The following GSTM3 variants were observed in gnomAD, a reference collection of about 807,000 sequenced individuals.
GSTM3 encodes glutathione S-transferase mu 3.
Under a neutral mutation model 36.1 loss-of-function variants are expected in GSTM3, and 34 were observed. That is an observed-to-expected ratio of 0.94 (90% CI 0.72 to 1.25). The LOEUF (loss-of-function observed/expected upper bound fraction) is 1.25, where lower values mean the gene tolerates loss of function less well. Ranked by LOEUF, GSTM3 falls within the 50% of genes most tolerant of loss-of-function variation. The probability of loss-of-function intolerance (pLI) is 0.00; values close to 1 mark genes in which losing one functional copy is unlikely to be tolerated. For synonymous variants in GSTM3, 102 were observed against 99.5 expected (o/e 1.03, Z -0.15); for missense variants, 266 against 281.6 (o/e 0.94, Z 0.40).
At chr1:109,737,990 G>A in intron 6 of GSTM3, 101 bp downstream of exon 6, 1 of 798,620 alleles carries the variant, frequency 1.3e-6, no homozygotes, top group Admixed American at 2.0e-5. Flanking sequence ...TGGATTGGTG[G>A]GAAGGTAGCA....
In GSTM3 at chr1:109,738,128, C is replaced by A. The variant is rs776366318; in HGVS notation, c.335G>T (p.Arg112Leu). 4 of 1,613,222 alleles carry A rather than the reference C, an allele frequency of 2.5e-6. No homozygotes were observed. The highest frequency in any genetic ancestry group is 1.7e-5 in the Admixed American group (1 of 59,998). The change falls in exon 6 of 9, where the codon CGC becomes CTC. Residue 112 changes from arginine (R) to leucine (L), a missense_variant. Coordinates refer to ENST00000361066, the MANE Select transcript of GSTM3 (RefSeq NM_000849.5). ...DIIENQVMDF[R>L]TQLIRLCYSS... ...GTAACAGAGCCTTATCAGTTGTGTGCGGAAATCCATTACTTGGTTCTCTAT... is the reference window on the plus strand; with the variant it reads ...GTAACAGAGCCTTATCAGTTGTGTGAGGAAATCCATTACTTGGTTCTCTAT...
chr1:109,735,288 A>C lies in GSTM3; in HGVS notation c.*1783T>G, dbSNP rs1649165801. On this transcript the variant is annotated 3_prime_UTR_variant, in exon 9 of 9. Transcript: ENST00000361066. The stretch of plus-strand genomic sequence containing the variant: ...ATTCCTGGGCTCAAGTGATCCTCCC[A>C]CCTCAGCCTCCTGGGTAGCTGGGAC... The C allele has an allele frequency of 6.6e-6, 1 of 151,884 alleles. No homozygotes were observed. The highest frequency in any genetic ancestry group is 2.1e-4 in the South Asian group (1 of 4,796). 9.4% of individuals were successfully genotyped at this position (151,884 alleles called of 1,614,324 possible).
At position 109,740,349 on chromosome 1, in the gene GSTM3, C is replaced by G. The variant is rs1459834050; in HGVS notation, c.-62G>C. On this transcript the variant is annotated 5_prime_UTR_variant, in exon 2 of 9. Transcript: ENST00000361066. ...CTGTGAGCGGGAGGGGCTTTATACCCGACATAAGGGGGCGGGGCCCACGCG... is the reference window on the plus strand; with the variant it reads ...CTGTGAGCGGGAGGGGCTTTATACCGGACATAAGGGGGCGGGGCCCACGCG... 7 of 1,497,514 alleles carry G rather than the reference C, an allele frequency of 4.7e-6. No individual in the cohort carries two copies. The Admixed American group carries it at 9.0e-5, about 19-fold the overall frequency. The allele number at this position is 1,497,514 out of a possible 1,614,324, so 92.8% of individuals were successfully genotyped here.
At chr1:109,740,004 G>C (rs2101353877) in intron 2 of GSTM3, 96 bp from the exon 3 acceptor site, 1 of 1,083,822 alleles carries the variant, frequency 9.2e-7, no homozygotes, top group Non-Finnish European at 1.4e-6. Flanking sequence ...GAGTCCCTGC[G>C]TCCTGCCGGG....
chr1:109,737,531 C>T lies in GSTM3; in HGVS notation c.505G>A (p.Asp169Asn). ...FVDFLTYDIL[D>N]QNRIFDPKCL... ...TTGGGGTCAAATATACGGTTCTGATCCAAGATATCATAGGTGAGAAAATCC... is the reference window on the plus strand; with the variant it reads ...TTGGGGTCAAATATACGGTTCTGATTCAAGATATCATAGGTGAGAAAATCC... Residue 169 changes from aspartate to asparagine, a missense_variant, in exon 8 of 9, where the codon GAT (aspartate) becomes AAT (asparagine). Asp to Asn is a conservative substitution (Grantham distance 23). Coordinates refer to ENST00000361066, the MANE Select transcript of GSTM3 (RefSeq NM_000849.5). 6.2e-7 allele frequency: 1 copy of T among 1,613,562 alleles called. No individual in the cohort carries two copies.
intron 4 of GSTM3, among the ~76,000 whole-genome samples, chr1:109,738,593 C>T (rs1255465174): frequency 1.3e-5 from 2 of 152,036 alleles, no homozygotes; most frequent in Non-Finnish European, 2.9e-5. Flanking sequence ...TGCCATGGAC[C>T]TTTTCTCAGA....
In GSTM3 at chr1:109,735,658, T is replaced by TTTTTTTTTTTTTTTTC; in HGVS notation, c.*1412_*1413insGAAAAAAAAAAAAAAA. On this transcript the variant is annotated 3_prime_UTR_variant, in exon 9 of 9. Coordinates refer to ENST00000361066, the MANE Select transcript of GSTM3 (RefSeq NM_000849.5). ...GTTTTTTTTTTTTTTTTTTTTTTTT[T>TTTTTTTTTTTTTTTTC]TTTGAGACAGAGTCTCGCCCTGTAG... The TTTTTTTTTTTTTTTTC allele has an allele frequency of 6.8e-6, 1 of 146,388 alleles. No individual in the cohort carries two copies. 9.1% of individuals were successfully genotyped at this position (146,388 alleles called of 1,614,324 possible). A position where few individuals can be genotyped will look rare whatever the true frequency, so the allele number is the denominator to read the frequency against.
Position 109,737,501 on chromosome 1 carries a change from G to T in GSTM3, c.535C>A (p.Leu179Met), listed in dbSNP as rs1649237035. The T allele has an allele frequency of 1.9e-6, 3 of 1,613,476 alleles. No individual in the cohort carries two copies. The highest frequency in any genetic ancestry group is 1.7e-4 in the Middle Eastern group (1 of 6,060). Reference sequence around the variant, plus strand: ...GCCTTCAGGTTTGGGAACTCATCCAGGCACTTGGGGTCAAATATACGGTTC... The same window carrying T: ...GCCTTCAGGTTTGGGAACTCATCCATGCACTTGGGGTCAAATATACGGTTC... ...DQNRIFDPKC[L>M]DEFPNLKAFM... The change falls in exon 8 of 9, where the codon CTG (leucine) becomes ATG (methionine). Residue 179 changes from leucine (L) to methionine (M), a missense_variant. Physicochemically the swap from Leu to Met is conservative, Grantham distance 15. Transcript: ENST00000361066.
Position 109,737,698 on chromosome 1 carries a change from G to A in GSTM3, c.426C>T (p.Phe142=). Residue 142 remains phenylalanine (F), a synonymous_variant, in exon 7 of 9, where the codon TTC becomes TTT. Transcript: ENST00000361066. ...LEELPGQLKQ[F]SMFLGKFSWF... The stretch of plus-strand genomic sequence containing the variant: ...ATGAGAATTTCCCCAGAAACATGGA[G>A]AATTGTTTCAGTTGTCCAGGTAGCT... 6.2e-7 allele frequency: 1 copy of A among 1,610,282 alleles called. No homozygotes were observed. The highest frequency in any genetic ancestry group is 8.5e-7 in the Non-Finnish European group (1 of 1,177,998).
At chr1:109,737,961 G>A (rs759759309) in intron 6 of GSTM3, 130 bp downstream of exon 6, 9 of 709,990 alleles carry the variant, frequency 1.3e-5, no homozygotes, top group East Asian at 2.7e-5. Context: ...TATAAGTTCT[G>A]TTTCTTATTC....
chr1:109,740,043 C>A, intron 2 of GSTM3, 135 bp from the exon 3 acceptor site: 1 of 899,050 alleles, frequency 1.1e-6, no homozygotes, highest in South Asian at 1.6e-5. Flanking sequence ...CTAGGCCCGG[C>A]TCCGGCGTGG....
At chr1:109,737,836 C>G in intron 6 of GSTM3, 85 bp from the exon 7 acceptor site, 1 of 850,540 alleles carries the variant, frequency 1.2e-6, no homozygotes, top group Non-Finnish European at 1.9e-6. Flanking sequence ...ACTTAGTAGC[C>G]CCTTCTCTAG....
In GSTM3 at chr1:109,736,727, T is replaced by C. The variant is rs535676824; in HGVS notation, c.*344A>G. ...TCCATCAGTACCACAGTTTTACTTG[T>C]GTTATCCTCACCCAGTCTTCACAGG... On this transcript the variant is annotated 3_prime_UTR_variant, in exon 9 of 9. Coordinates refer to ENST00000361066, the MANE Select transcript of GSTM3 (RefSeq NM_000849.5). The C allele has an allele frequency of 4.5e-6, 1 of 223,692 alleles. No individual in the cohort carries two copies. The highest frequency in any genetic ancestry group is 7.7e-5 in the South Asian group (1 of 13,042). The allele number at this position is 223,692 out of a possible 1,614,324, so 13.9% of individuals were successfully genotyped here.
rs778809423 is a variant in GSTM3 at position 109,739,451 on chromosome 1, T to G, written c.167A>C (p.Lys56Thr). ...DRSQWLDVKFKLDLDFPNLPY... is the reference protein window; with the variant it reads ...DRSQWLDVKFTLDLDFPNLPY... The stretch of plus-strand genomic sequence containing the variant: ...TACATTAGGAAAGTCCAGGTCTAGC[T>G]TGAATTTCACATCCAGCCATTGGCT... Residue 56 changes from lysine to threonine, a missense_variant, in exon 4 of 9, where the codon AAG (lysine) becomes ACG (threonine). Coordinates refer to ENST00000361066, the MANE Select transcript of GSTM3 (RefSeq NM_000849.5). The G allele has an allele frequency of 1.2e-6, 2 of 1,612,704 alleles. No homozygotes were observed. Among genetic ancestry groups the G allele is most frequent in the Admixed American group, 1.7e-5 (1 of 59,986 alleles).
At position 109,740,358 on chromosome 1, in the gene GSTM3, G is replaced by A; in HGVS notation, c.-71C>T. 7.1e-7 allele frequency: 1 copy of A among 1,403,940 alleles called. No individual in the cohort carries two copies. The highest frequency in any genetic ancestry group is 1.2e-5 in the South Asian group (1 of 82,690). The allele number at this position is 1,403,940 out of a possible 1,614,324, so 87.0% of individuals were successfully genotyped here. On this transcript the variant is annotated 5_prime_UTR_variant, in exon 2 of 9. Coordinates refer to ENST00000361066, the MANE Select transcript of GSTM3 (RefSeq NM_000849.5). ...GGAGGGGCTTTATACCCGACATAAG[G>A]GGGCGGGGCCCACGCGCGGGCGCCC...
At chr1:109,739,558 T>C (rs1321431748) in intron 3 of GSTM3, 65 bp from the exon 4 acceptor site, 2 of 1,198,156 alleles carry the variant, frequency 1.7e-6, no homozygotes, top group Non-Finnish European at 2.5e-6. Context: ...GAGCAAAAGA[T>C]CTAAAGAAAT....
chr1:109,740,675 G>T (rs1570665555), intron 1 of GSTM3, among the ~76,000 whole-genome samples, 164 bp from the exon 2 acceptor site: 1 of 152,236 alleles, frequency 6.6e-6, no homozygotes, highest in South Asian at 2.1e-4. Flanking sequence ...CGTTTTTACC[G>T]AGCCAGCCGG....
intron 2 of GSTM3, 62 bp downstream of exon 2, chr1:109,740,178 G>A (rs573632208): frequency 6.8e-7 from 1 of 1,464,964 alleles, no homozygotes; most frequent in Non-Finnish European, 9.5e-7. Context: ...CGGACCCAGA[G>A]ACCCGCCCTC....
Position 109,735,424 on chromosome 1 carries a change from C to T in GSTM3, c.*1647G>A, listed in dbSNP as rs189638201. 3 of 152,310 alleles carry T rather than the reference C, an allele frequency of 2.0e-5. No individual in the cohort carries two copies. Among genetic ancestry groups the T allele is most frequent in the African/African-American group, 4.8e-5 (2 of 41,560 alleles). The allele number at this position is 152,310 out of a possible 1,614,324, so 9.4% of individuals were successfully genotyped here. On this transcript the variant is annotated 3_prime_UTR_variant, in exon 9 of 9. Coordinates refer to ENST00000361066, the MANE Select transcript of GSTM3 (RefSeq NM_000849.5). ...TCCTGGCCTCAACTGATCCTCTCAC[C>T]TCAGCCTCTGAAGGTGTTGTTATTA... is the stretch of plus-strand genomic sequence containing the variant.
Sources: allele counts gnomAD v4.1 joint callset (sites outside exome capture counted in the v4.1 genomes callset), GRCh38; gene constraint gnomAD v4.1.1; transcripts MANE v1.5; gene names NCBI Gene and HGNC (gene_info 2026-07-23, HGNC 2026-07-21).